MDGA2: variants seen among roughly 807,000 people sequenced by gnomAD.
The protein encoded by MDGA2 is MAM domain-containing glycosylphosphatidylinositol anchor protein 2.
A neutral mutation model predicts 117.8 loss-of-function variants in MDGA2; 40 were observed. The ratio of observed to expected loss-of-function variants is 0.34; its 90% CI spans 0.26 to 0.44. The LOEUF (loss-of-function observed/expected upper bound fraction) is 0.44, where lower values mean the gene tolerates loss of function less well. Among genes scored for constraint, MDGA2 ranks in the 20% least tolerant of loss-of-function variants. The probability of loss-of-function intolerance (pLI) is 1.00; values close to 1 mark genes in which losing one functional copy is unlikely to be tolerated. For missense variants in MDGA2, 1,123 were observed against 1,250.6 expected (o/e 0.90, Z 1.54); for synonymous variants, 452 against 439.0 (o/e 1.03, Z -0.37).
At chr14:47,118,892 C>T (rs1881473959) in intron 5 of MDGA2, among the ~76,000 whole-genome samples, 1 of 151,988 alleles carries the variant, frequency 6.6e-6, no homozygotes, top group South Asian at 2.1e-4. Context: ...CACCACCATA[C>T]CTGGATAATA....
At chr14:47,058,482 A>T in intron 7 of MDGA2, 2 of 971,182 alleles carry the variant, frequency 2.1e-6, no homozygotes, top group Non-Finnish European at 2.4e-6. Context: ...GAATTTCCTC[A>T]GTATCCTCCA....
chr14:47,068,217 C>T (rs1415176455), intron 6 of MDGA2, among the ~76,000 whole-genome samples: 1 of 151,914 alleles, frequency 6.6e-6, no homozygotes, highest in Non-Finnish European at 1.5e-5. Flanking sequence ...AATATCCTTT[C>T]TCAATAGAAC....
intron 2 of MDGA2, among the ~76,000 whole-genome samples, chr14:47,283,701 T>C (rs968290645): frequency 1.3e-5 from 2 of 152,236 alleles, no homozygotes; most frequent in Non-Finnish European, 2.9e-5. Context: ...CTTTTGTTTT[T>C]GCTTTGTCTT....
intron 1 of MDGA2, among the ~76,000 whole-genome samples, chr14:47,319,039 C>G (rs1040502983): frequency 1.3e-5 from 2 of 152,038 alleles, no homozygotes; most frequent in Non-Finnish European, 2.9e-5. Context: ...ATTGCCTTTC[C>G]TATGTTCTAT....
Position 47,628,740 on chromosome 14 carries a change from C to G in MDGA2, c.280+45777G>C, listed in dbSNP as rs1348622699. On this transcript the variant is annotated intron_variant, in intron 1 of 16. Coordinates refer to ENST00000399232, the MANE Select transcript of MDGA2 (RefSeq NM_001113498.3). Reference sequence around the variant, plus strand: ...GATACTATGATGCACCAGCCAGACTCCCCTTCAAGAATGAAGATTTTTTTC... The same window carrying G: ...GATACTATGATGCACCAGCCAGACTGCCCTTCAAGAATGAAGATTTTTTTC... Among the ~76,000 whole-genome samples the G allele has an allele frequency of 2.0e-5, 3 of 152,360 alleles. 1 individual carries two copies. The East Asian group carries it at 5.8e-4, about 29-fold the overall frequency.
chr14:47,363,823 C>T (rs1891176163), intron 1 of MDGA2, among the ~76,000 whole-genome samples: 1 of 151,698 alleles, frequency 6.6e-6, no homozygotes, highest in Admixed American at 6.6e-5. Context: ...AAAGAGAAAG[C>T]CAAAATAGAT....
At chr14:47,445,044 T>C (rs923924273) in intron 1 of MDGA2, among the ~76,000 whole-genome samples, 12 of 152,234 alleles carry the variant, frequency 7.9e-5, no homozygotes, top group African/African-American at 2.9e-4. Context: ...TGAGACTCTG[T>C]AGGATATGCA....
chr14:47,062,057 T>C (rs1889903209), intron 6 of MDGA2, among the ~76,000 whole-genome samples: 1 of 152,040 alleles, frequency 6.6e-6, no homozygotes, highest in South Asian at 2.1e-4. Context: ...TAAGGTTGTA[T>C]CTATATGTTG....
chr14:47,276,795 A>G (rs1309047127), intron 2 of MDGA2, among the ~76,000 whole-genome samples: 1 of 152,148 alleles, frequency 6.6e-6, no homozygotes, highest in African/African-American at 2.4e-5. Context: ...CTGAATTACA[A>G]CAGCAATTTA....
intron 8 of MDGA2, among the ~76,000 whole-genome samples, chr14:47,002,009 T>C (rs1394627999): frequency 6.6e-6 from 1 of 152,128 alleles, no homozygotes; most frequent in Admixed American, 6.6e-5. Context: ...ATATATTGTA[T>C]CTGTTATCTC....
At chr14:47,224,330 T>TAGATATAGATATAGATATAGA (rs1566688963) in intron 2 of MDGA2, among the ~76,000 whole-genome samples, 4 of 151,830 alleles carry the variant, frequency 2.6e-5, no homozygotes, top group Non-Finnish European at 2.9e-5. Context: ...GATATAGATA[T>TAGATATAGATATAGATATAGA]TTCCTGAAAC....
In MDGA2 at chr14:47,157,031, G is replaced by A. The variant is rs536893181; in HGVS notation, c.596-12757C>T. Among the ~76,000 whole-genome samples the A allele has an allele frequency of 9.5e-4, 145 of 152,224 alleles. 5 individuals are homozygous for A. The South Asian group carries it at 0.03, about 31-fold the overall frequency. On this transcript the variant is annotated intron_variant, in intron 3 of 16. Coordinates refer to ENST00000399232, the MANE Select transcript of MDGA2 (RefSeq NM_001113498.3). The stretch of plus-strand genomic sequence containing the variant: ...TATACAAAAGAGAAATTAAATCATT[G>A]TTAGACATCAATAATTAAGAACAAA...
At chr14:47,244,494 T>C (rs1226181192) in intron 2 of MDGA2, among the ~76,000 whole-genome samples, 1 of 151,852 alleles carries the variant, frequency 6.6e-6, no homozygotes, top group East Asian at 1.9e-4. Context: ...ACTAGAATAC[T>C]CTACAATTTT....
rs35295201 is a variant in MDGA2, at chr14:47,470,854, CG to C, written c.281-169305del. 5.3e-5 allele frequency among the ~76,000 whole-genome samples: 8 copies of C among 152,200 alleles called. No homozygotes were observed. In the East Asian group the frequency reaches 1.5e-3, roughly 29 times the overall value. ...AAATTGTCATCAATTAATGAAAGCACGGAAGTGATGCTGATTTTATACTTAG... is the reference window on the plus strand; with the variant it reads ...AAATTGTCATCAATTAATGAAAGCACGAAGTGATGCTGATTTTATACTTAG... On this transcript the variant is annotated intron_variant, in intron 1 of 16. Transcript: ENST00000399232.
At chr14:47,359,748 C>CAAAAAAAAAAAAAA (rs71448198) in intron 1 of MDGA2, among the ~76,000 whole-genome samples, 1 of 110,764 alleles carries the variant, frequency 9.0e-6, no homozygotes. Flanking sequence ...AAGACTGTCT[C>CAAAAAAAAAAAAAA]AAAAAAAAAA....
intron 2 of MDGA2, among the ~76,000 whole-genome samples, chr14:47,282,521 TAA>T (rs966620943): frequency 5.9e-5 from 2 of 33,944 alleles, no homozygotes; most frequent in African/African-American, 2.2e-4. Flanking sequence ...CTATTAAAAA[TAA>T]ACACACACAC....
At chr14:47,228,116 T>C (rs1429144042) in intron 2 of MDGA2, among the ~76,000 whole-genome samples, 2 of 152,144 alleles carry the variant, frequency 1.3e-5, no homozygotes, top group Non-Finnish European at 1.5e-5. Flanking sequence ...TCCACCTTGA[T>C]GAAAAGAGAA....
chr14:47,628,884 C>T (rs1248149064), intron 1 of MDGA2, among the ~76,000 whole-genome samples: 1 of 152,310 alleles, frequency 6.6e-6, no homozygotes, highest in South Asian at 2.1e-4. Context: ...CACTCATACT[C>T]CACATATATA....
At chr14:47,658,087 G>C (rs1206841840) in intron 1 of MDGA2, among the ~76,000 whole-genome samples, 2 of 152,126 alleles carry the variant, frequency 1.3e-5, no homozygotes, top group South Asian at 4.1e-4. Context: ...AGGGACAATA[G>C]CAAAAGTCTC....
Sources: allele counts gnomAD v4.1 joint callset (sites outside exome capture counted in the v4.1 genomes callset), GRCh38; gene constraint gnomAD v4.1.1; transcripts MANE v1.5; gene names NCBI Gene and HGNC (gene_info 2026-07-23, HGNC 2026-07-21).